Variants in SBF2 observed in about 807,000 individuals in gnomAD.
The protein encoded by SBF2 is SET binding factor 2.
In SBF2, 112 loss-of-function variants were observed where a neutral mutation model predicts 225.2. The observed-to-expected ratio is 0.50, with a 90% CI of 0.43 to 0.58. The LOEUF (loss-of-function observed/expected upper bound fraction) is 0.58, where lower values mean the gene tolerates loss of function less well. Ranked by LOEUF, SBF2 falls within the 20% of genes least tolerant of loss-of-function variation. The pLI is 0.00. For synonymous variants in SBF2, 763 were observed against 773.3 expected (o/e 0.99, Z 0.22); for missense variants, 1,996 against 2,206.2 (o/e 0.90, Z 1.91).
At chr11:10,218,036 A>G (rs1409658330) in intron 1 of SBF2, among the ~76,000 whole-genome samples, 1 of 152,090 alleles carries the variant, frequency 6.6e-6, no homozygotes, top group Non-Finnish European at 1.5e-5. Context: ...TCTAGCTGGG[A>G]TTACAGCTGT....
chr11:9,904,105 A>G (rs1342892301), intron 16 of SBF2, among the ~76,000 whole-genome samples: 1 of 152,176 alleles, frequency 6.6e-6, no homozygotes, highest in Non-Finnish European at 1.5e-5. Context: ...TACTTGTAAC[A>G]AATACAAATA....
chr11:9,808,430 G>A, intron 31 of SBF2: 1 of 550,782 alleles, frequency 1.8e-6, no homozygotes, highest in Non-Finnish European at 3.2e-6. Flanking sequence ...TCCTTAACTG[G>A]CCAGTTTGCT....
chr11:9,808,056 A>AGTTGAGGG lies in SBF2; in HGVS notation c.4379_4386dup (p.Cys1463ProfsTer17), dbSNP rs1421328570. On this transcript the variant is annotated frameshift_variant, in exon 32 of 40. Transcript: ENST00000256190. LOFTEE classifies it high-confidence loss of function. The stretch of plus-strand genomic sequence containing the variant: ...ACTGGAGCAAAACCACTCCCCTGAC[A>AGTTGAGGG]GTTGAGGGTCAAGCTGCTCCTCTGA... The AGTTGAGGG allele has an allele frequency of 6.2e-7, 1 of 1,614,202 alleles. No individual in the cohort carries two copies. The highest frequency in any genetic ancestry group is 1.7e-5 in the Admixed American group (1 of 60,032).
intron 6 of SBF2, among the ~76,000 whole-genome samples, chr11:10,013,773 T>A (rs1948542247): frequency 6.6e-6 from 1 of 152,260 alleles, no homozygotes; most frequent in South Asian, 2.1e-4. Flanking sequence ...TCTGCCTGAA[T>A]AGATCTTTAC....
chr11:9,850,161 G>A lies in SBF2; in HGVS notation c.2668C>T (p.Arg890Ter), dbSNP rs1413469900. 2.5e-6 allele frequency: 4 copies of A among 1,614,034 alleles called. No homozygotes were observed. The highest frequency in any genetic ancestry group is 3.3e-5 in the Admixed American group (2 of 60,022). The change falls in exon 22 of 40, where the codon CGA (arginine) becomes TGA (stop). Residue 890 changes from arginine to a stop codon, truncating the protein, a stop_gained. Coordinates refer to ENST00000256190, the MANE Select transcript of SBF2 (RefSeq NM_030962.4). LOFTEE classifies it high-confidence loss of function. ...PGEEIVCEGL[R>*]VLLDPDGREE... ...CTTCCATCAGGATCCAGCAAGACTC[G>A]AAGACCCTCACAGACAATTTCTTCT...
At chr11:9,994,054 T>C (rs1947557742) in intron 9 of SBF2, 56 bp from the exon 10 acceptor site, 5 of 1,101,042 alleles carry the variant, frequency 4.5e-6, no homozygotes, top group Middle Eastern at 2.4e-4. Context: ...AAATCTATTA[T>C]TGAGACATTA....
intron 16 of SBF2, among the ~76,000 whole-genome samples, chr11:9,901,644 G>T (rs552449485): frequency 3.5e-4 from 53 of 152,048 alleles, no homozygotes; most frequent in African/African-American, 8.2e-4. Context: ...CATTAAATGG[G>T]TTTTTTTTAA....
intron 22 of SBF2, among the ~76,000 whole-genome samples, chr11:9,848,747 G>C (rs970658494): frequency 6.6e-6 from 1 of 152,162 alleles, no homozygotes; most frequent in South Asian, 2.1e-4. Context: ...CAATATGAAG[G>C]AGCGGGCTAA....
intron 1 of SBF2, among the ~76,000 whole-genome samples, chr11:10,219,458 C>T (rs1438174303): frequency 2.0e-5 from 3 of 152,208 alleles, no homozygotes; most frequent in Non-Finnish European, 4.4e-5. Context: ...ATGGGAGGGA[C>T]TGCCTTAAAG....
intron 17 of SBF2, among the ~76,000 whole-genome samples, chr11:9,870,638 A>C (rs1858644399): frequency 6.6e-6 from 1 of 152,104 alleles, no homozygotes; most frequent in African/African-American, 2.4e-5. Context: ...GCTTATAGCT[A>C]TATACAGAAA....
At chr11:10,134,508 C>T (rs1954252970) in intron 2 of SBF2, among the ~76,000 whole-genome samples, 1 of 152,102 alleles carries the variant, frequency 6.6e-6, no homozygotes, top group Non-Finnish European at 1.5e-5. Context: ...TCCTTTCTGC[C>T]TATGAGCCTG....
rs59968426 is a variant in SBF2 at position 10,218,386 on chromosome 11, T to C, written c.56-24399A>G. On this transcript the variant is annotated intron_variant, in intron 1 of 39. Coordinates refer to ENST00000256190, the MANE Select transcript of SBF2 (RefSeq NM_030962.4). ...TCCCTCCCATGACACGTGGGAATTA[T>C]GGGAGCTAAAATTCAAGCTAAGATT... Among the ~76,000 whole-genome samples, 241 of 126,074 alleles carry C rather than the reference T, an allele frequency of 1.9e-3. 1 individual carries two copies. The highest frequency in any genetic ancestry group is 7.1e-3 in the African/African-American group (234 of 33,068). 82.7% of individuals were successfully genotyped at this position (126,074 alleles called of 152,430 possible).
intron 17 of SBF2, among the ~76,000 whole-genome samples, chr11:9,885,251 CAAAAAAAAAAAA>C (rs71453937): frequency 6.5e-4 from 25 of 38,282 alleles, no homozygotes; most frequent in Non-Finnish European, 9.6e-4. Flanking sequence ...ACTTTTCCTC[CAAAAAAAAAAAA>C]AAAAAAAAAA....
chr11:10,003,363 T>C (rs1275415330), intron 6 of SBF2, among the ~76,000 whole-genome samples: 2 of 133,792 alleles, frequency 1.5e-5, no homozygotes, highest in African/African-American at 5.2e-5. Context: ...CTTTTTCTTT[T>C]TCTTTTTTCT....
intron 1 of SBF2, among the ~76,000 whole-genome samples, chr11:10,200,685 T>C (rs1565348811): frequency 6.6e-6 from 1 of 152,228 alleles, no homozygotes; most frequent in Non-Finnish European, 1.5e-5. Flanking sequence ...CCATTTTTTA[T>C]TTAATTAACT....
chr11:10,100,972 G>A (rs1211548768), intron 2 of SBF2, among the ~76,000 whole-genome samples: 1 of 152,170 alleles, frequency 6.6e-6, no homozygotes, highest in Admixed American at 6.5e-5. Flanking sequence ...ACGGAAAATA[G>A]AATAGTTTAG....
At chr11:10,064,892 A>G (rs1009650202) in intron 2 of SBF2, among the ~76,000 whole-genome samples, 1 of 152,208 alleles carries the variant, frequency 6.6e-6, no homozygotes, top group Admixed American at 6.5e-5. Flanking sequence ...GTGAGGATAT[A>G]GACGATCTGA....
chr11:9,833,577 T>C (rs966157391), intron 26 of SBF2, among the ~76,000 whole-genome samples: 14 of 151,384 alleles, frequency 9.2e-5, no homozygotes, highest in African/African-American at 1.9e-4. Context: ...CCTGCCACCA[T>C]CCCTGGCTAA....
chr11:9,882,680 G>A (rs991183659), intron 17 of SBF2, among the ~76,000 whole-genome samples: 5 of 151,092 alleles, frequency 3.3e-5, no homozygotes, highest in Non-Finnish European at 4.4e-5. Flanking sequence ...GGTGGCAGGC[G>A]CCTGTAATCC....
Sources: gnomAD v4.1 joint callset for allele counts (sites outside exome capture counted in the v4.1 genomes callset) on GRCh38, gnomAD v4.1.1 for gene constraint, MANE v1.5 for transcripts, NCBI Gene and HGNC (gene_info 2026-07-23, HGNC 2026-07-21) for gene names.